The following RAPGEF1 variants were observed in gnomAD, a reference collection of about 807,000 sequenced individuals.
RAPGEF1 encodes CRK SH3-binding GNRP.
Under a neutral mutation model 143.3 loss-of-function variants are expected in RAPGEF1, and 33 were observed. That is an observed-to-expected ratio of 0.23 (90% CI 0.17 to 0.31). The LOEUF (loss-of-function observed/expected upper bound fraction) is 0.31. Among genes scored for constraint, RAPGEF1 ranks in the 10% least tolerant of loss-of-function variants. RAPGEF1 has a pLI of 1.00. For synonymous variants in RAPGEF1, 629 were observed against 676.5 expected, an observed-to-expected ratio of 0.93 and a Z score of 1.09; for missense variants, 1,199 against 1,645.4, an observed-to-expected ratio of 0.73 and a Z score of 4.69.
chr9:131,582,676 G>T lies in RAPGEF1; in HGVS notation c.3441C>A (p.Ile1147=), dbSNP rs188306764. ...SEGLAEYCTL[I]DSSSSFRAYR... is the part of the protein sequence containing the mutation. Reference sequence around the variant, plus strand: ...AGGCTCGGAAGGAGGACGAGCTGTCGATCAGTGTGCAGTACTCGGCCAGGC... The same window carrying T: ...AGGCTCGGAAGGAGGACGAGCTGTCTATCAGTGTGCAGTACTCGGCCAGGC... Residue 1147 remains isoleucine (I), a synonymous_variant, in exon 25 of 27, where the codon ATC becomes ATA. Coordinates refer to ENST00000683357, the MANE Select transcript of RAPGEF1 (RefSeq NM_001377935.1). The T allele has an allele frequency of 1.9e-6, 3 of 1,547,068 alleles. No homozygotes were observed. Among genetic ancestry groups the T allele is most frequent in the Admixed American group, 2.2e-5 (1 of 46,402 alleles).
chr9:131,590,926 A>G (rs184825326), intron 18 of RAPGEF1, among the ~76,000 whole-genome samples: 9 of 152,354 alleles, frequency 5.9e-5, no homozygotes, highest in African/African-American at 2.2e-4. Flanking sequence ...TTCCTCAATT[A>G]CACAATAGGG....
intron 1 of RAPGEF1, among the ~76,000 whole-genome samples, chr9:131,706,296 T>A (rs1725727436): frequency 6.6e-6 from 1 of 151,812 alleles, no homozygotes; most frequent in South Asian, 2.1e-4. Flanking sequence ...GGGGTTTTGC[T>A]CTGTCACCCA....
At chr9:131,731,143 G>A (rs1298460958) in intron 1 of RAPGEF1, among the ~76,000 whole-genome samples, 1 of 152,140 alleles carries the variant, frequency 6.6e-6, no homozygotes, top group East Asian at 1.9e-4. Context: ...AAAGCTCTGT[G>A]TCTTAGTCTC....
At chr9:131,582,913 C>T (rs1203170622) in intron 24 of RAPGEF1, among the ~76,000 whole-genome samples, 1 of 152,210 alleles carries the variant, frequency 6.6e-6, no homozygotes, top group Non-Finnish European at 1.5e-5. Context: ...CAGCCCAACC[C>T]CTGGTCACAG....
Position 131,621,813 on chromosome 9 carries a change from G to T in RAPGEF1, c.1888C>A (p.Pro630Thr), listed in dbSNP as rs368994640. 5.0e-6 allele frequency: 8 copies of T among 1,607,600 alleles called. No homozygotes were observed. The African/African-American group carries it at 5.3e-5, about 11-fold the overall frequency. Residue 630 changes from proline (P) to threonine (T), a missense_variant, in exon 11 of 27, where the codon CCC becomes ACC. Pro to Thr is a conservative substitution (Grantham distance 38). Around this residue, in one of 6 missense-constraint regions of RAPGEF1, gnomAD observed 293 missense variants for 356.2 expected, o/e 0.82. Coordinates refer to ENST00000683357, the MANE Select transcript of RAPGEF1 (RefSeq NM_001377935.1). The surrounding 1 kb of genome is among the most constrained non-coding windows in gnomAD (Gnocchi z 4.5). ...TCACTCACCAGCTGCCGCTGCTTGG[G>T]GGGTAGGGCGGGCGGCGGGGCCAGC... ...QELAPPPALP[P>T]KQRQLASCAA...
At chr9:131,624,682 A>G (rs1962392219) in intron 10 of RAPGEF1, among the ~76,000 whole-genome samples, 1 of 152,228 alleles carries the variant, frequency 6.6e-6, no homozygotes, top group Non-Finnish European at 1.5e-5. Flanking sequence ...GGGGAGGCCA[A>G]CAGCTCTTTA....
intron 3 of RAPGEF1, among the ~76,000 whole-genome samples, 154 bp downstream of exon 3, chr9:131,649,975 C>T (rs1970673168): frequency 6.6e-6 from 1 of 152,198 alleles, no homozygotes; most frequent in African/African-American, 2.4e-5. Context: ...TATCCAAGGT[C>T]CCCTGGACTC....
intron 1 of RAPGEF1, among the ~76,000 whole-genome samples, chr9:131,666,236 G>A (rs956990612): frequency 1.3e-5 from 2 of 152,148 alleles, no homozygotes; most frequent in African/African-American, 4.8e-5. Flanking sequence ...TTCAGCCTGG[G>A]TTACTAGAAC....
intron 1 of RAPGEF1, among the ~76,000 whole-genome samples, chr9:131,672,206 C>A (rs1356566900): frequency 6.6e-6 from 1 of 152,226 alleles, no homozygotes; most frequent in Non-Finnish European, 1.5e-5. Context: ...GTAGCTAAGG[C>A]AGAGGCTAAT....
At chr9:131,680,907 C>T (rs1003558770) in intron 1 of RAPGEF1, among the ~76,000 whole-genome samples, 4 of 152,064 alleles carry the variant, frequency 2.6e-5, no homozygotes, top group Admixed American at 6.5e-5. Flanking sequence ...CGTGGGGGCT[C>T]GAATCCAGGT....
intron 9 of RAPGEF1, among the ~76,000 whole-genome samples, chr9:131,627,213 CAAAAAA>C (rs10690802): frequency 1.8e-3 from 172 of 97,356 alleles, no homozygotes; most frequent in African/African-American, 7.8e-3. Context: ...GGCTCTGTCT[CAAAAAA>C]AAAAAAAAAA....
intron 5 of RAPGEF1, among the ~76,000 whole-genome samples, chr9:131,633,194 C>T (rs955661903): frequency 6.6e-6 from 1 of 152,204 alleles, no homozygotes; most frequent in African/African-American, 2.4e-5. Context: ...GGACAGCCAT[C>T]TAGCTGGTGA....
intron 9 of RAPGEF1, among the ~76,000 whole-genome samples, chr9:131,626,758 T>G (rs540648487): frequency 7.9e-5 from 12 of 152,370 alleles, no homozygotes; most frequent in Non-Finnish European, 1.5e-4. Flanking sequence ...ATTTACATTT[T>G]GAAGTATTTC....
chr9:131,736,699 C>T (rs1216617182), intron 1 of RAPGEF1, among the ~76,000 whole-genome samples: 1 of 152,202 alleles, frequency 6.6e-6, no homozygotes, highest in Admixed American at 6.5e-5. Context: ...AAGGGGTTTC[C>T]TGTTTACCCA....
chr9:131,640,187 T>G (rs1360234652), intron 4 of RAPGEF1, among the ~76,000 whole-genome samples: 2 of 152,242 alleles, frequency 1.3e-5, no homozygotes, highest in African/African-American at 4.8e-5. Context: ...AGAGCTGATC[T>G]GATCCTGCAG....
chr9:131,704,525 C>T (rs1026189315), intron 1 of RAPGEF1, among the ~76,000 whole-genome samples: 2 of 152,050 alleles, frequency 1.3e-5, no homozygotes, highest in African/African-American at 2.4e-5. Flanking sequence ...ATTTCATTCG[C>T]TCACACCCAC....
chr9:131,623,867 C>T (rs566434870), intron 10 of RAPGEF1, among the ~76,000 whole-genome samples: 10 of 152,360 alleles, frequency 6.6e-5, no homozygotes, highest in South Asian at 4.1e-4. Flanking sequence ...GCGTTAGCCA[C>T]GCGGCCAGGG....
At chr9:131,705,449 G>A (rs947848881) in intron 1 of RAPGEF1, among the ~76,000 whole-genome samples, 12 of 152,092 alleles carry the variant, frequency 7.9e-5, no homozygotes, top group African/African-American at 2.9e-4. Flanking sequence ...CGAGGAAAGC[G>A]AGGGCATTTG....
At chr9:131,596,124 T>C (rs571893420) in intron 17 of RAPGEF1, among the ~76,000 whole-genome samples, 174 bp downstream of exon 17, 17 of 152,246 alleles carry the variant, frequency 1.1e-4, no homozygotes, top group African/African-American at 4.1e-4. Context: ...GAGTTGAACA[T>C]GATCTACTTG....
Sources: gnomAD v4.1 joint callset for allele counts (sites outside exome capture counted in the v4.1 genomes callset) on GRCh38, gnomAD v4.1.1 for gene constraint, gnomAD v4.1.1 regional missense constraint, Gnocchi (gnomAD v3.1) non-coding constraint, MANE v1.5 for transcripts, NCBI Gene and HGNC (gene_info 2026-07-23, HGNC 2026-07-21) for gene names.